The following DNAJC10 variants were observed in gnomAD, a reference collection of about 807,000 sequenced individuals.
DNAJC10 encodes DnaJ heat shock protein family (Hsp40) member C10.
In DNAJC10, 101 loss-of-function variants were observed where a neutral mutation model predicts 115.0. The ratio of observed to expected loss-of-function variants is 0.88; its 90% CI spans 0.75 to 1.04. The LOEUF is 1.04. Ranked by LOEUF, DNAJC10 falls within the 50% of genes least tolerant of loss-of-function variation. The probability of loss-of-function intolerance (pLI) is 0.00; values close to 1 mark genes in which losing one functional copy is unlikely to be tolerated. For missense variants in DNAJC10, 981 were observed against 928.8 expected, an observed-to-expected ratio of 1.06 and a Z score of -0.73; for synonymous variants, 307 against 301.5, an observed-to-expected ratio of 1.02 and a Z score of -0.19.
intron 17 of DNAJC10, among the ~76,000 whole-genome samples, chr2:182,755,554 C>G (rs1407700339): frequency 1.3e-5 from 2 of 151,630 alleles, no homozygotes; most frequent in Non-Finnish European, 2.9e-5. Flanking sequence ...CCAACCCTGT[C>G]CTACTCACCT....
chr2:182,716,552 G>C (rs1469655073), intron 1 of DNAJC10, 69 bp downstream of exon 1: 2 of 152,442 alleles, frequency 1.3e-5, no homozygotes, highest in East Asian at 3.9e-4. Flanking sequence ...GTCAGGGAGG[G>C]GCGGAATGGC....
intron 10 of DNAJC10, among the ~76,000 whole-genome samples, chr2:182,734,620 A>G (rs1490925833): frequency 6.6e-6 from 1 of 151,826 alleles, no homozygotes; most frequent in Non-Finnish European, 1.5e-5. Context: ...AGATCTTAAT[A>G]ATTTTATTGT....
chr2:182,792,024 T>A lies in DNAJC10; in HGVS notation c.*14892T>A, dbSNP rs1418541733. 1 of 152,142 alleles carries A rather than the reference T, an allele frequency of 6.6e-6. No homozygotes were observed. Among genetic ancestry groups the A allele is most frequent in the African/African-American group, 2.4e-5 (1 of 41,448 alleles). 9.4% of individuals were successfully genotyped at this position (152,142 alleles called of 1,614,324 possible). On this transcript the variant is annotated 3_prime_UTR_variant, in exon 24 of 24. Coordinates refer to ENST00000264065, the MANE Select transcript of DNAJC10 (RefSeq NM_018981.4). ...CACCTTATAAGTTCAGTCCTGTTGA[T>A]TAGTATGTTTCCCTGTCCTAGAGTG...
Position 182,757,823 on chromosome 2 carries a change from T to G in DNAJC10, c.1941T>G (p.Tyr647Ter), listed in dbSNP as rs756254747. The G allele has an allele frequency of 7.0e-7, 1 of 1,424,396 alleles. No homozygotes were observed. Among genetic ancestry groups the G allele is most frequent in the Non-Finnish European group, 9.8e-7 (1 of 1,022,916 alleles). The allele number at this position is 1,424,396 out of a possible 1,614,324, so 88.2% of individuals were successfully genotyped here. Residue 647 changes from tyrosine (Y) to a stop codon, truncating the protein, a stop_gained and splice_region_variant, in exon 19 of 24, where the codon TAT (tyrosine) becomes TAG (stop). Transcript: ENST00000264065. LOFTEE classifies it high-confidence loss of function. ...FPPKSNKAYH[Y>*]HSYNGWNRDA... ...CAAAATCAAATAAAGCTTATCATTA[T>G]CAGTAAGTATTCTCTCATATTTGAA...
intron 22 of DNAJC10, among the ~76,000 whole-genome samples, chr2:182,770,886 G>A (rs531045173): frequency 1.5e-3 from 230 of 152,184 alleles, no homozygotes; most frequent in South Asian, 3.3e-3. Flanking sequence ...GTATTGTGCT[G>A]GTTTTCAAAG....
intron 18 of DNAJC10, 90 bp downstream of exon 18, chr2:182,756,559 A>T: frequency 8.1e-7 from 1 of 1,242,212 alleles, no homozygotes; most frequent in Non-Finnish European, 1.1e-6. Context: ...GAATGAACCC[A>T]CAACTAAATT....
chr2:182,742,720 GT>G (rs1469166910), intron 13 of DNAJC10, among the ~76,000 whole-genome samples: 2 of 152,028 alleles, frequency 1.3e-5, no homozygotes, highest in African/African-American at 4.8e-5. Context: ...CTTTCAACTG[GT>G]CGGGGAAAAA....
At chr2:182,718,789 A>G (rs1693065563) in intron 3 of DNAJC10, among the ~76,000 whole-genome samples, 1 of 152,216 alleles carries the variant, frequency 6.6e-6, no homozygotes, top group African/African-American at 2.4e-5. Context: ...CAGCAGCTGA[A>G]TATAATGCCA....
Position 182,775,317 on chromosome 2 carries a change from G to A in DNAJC10, c.2267G>A (p.Arg756Lys), listed in dbSNP as rs983506434. ...GATAACAAGTGTTTTTAATTTTAGA[G>A]AAATTTTCAAGAAGAGCAGATAAAT... ...VKFYFYERAK[R>K]NFQEEQINTR... Residue 756 changes from arginine to lysine, a missense_variant and splice_region_variant, in exon 23 of 24, where the codon AGA (arginine) becomes AAA (lysine). Physicochemically the swap from Arg to Lys is conservative, Grantham distance 26. Coordinates refer to ENST00000264065, the MANE Select transcript of DNAJC10 (RefSeq NM_018981.4). The A allele has an allele frequency of 3.8e-6, 6 of 1,593,700 alleles. No individual in the cohort carries two copies. Among genetic ancestry groups the A allele is most frequent in the Non-Finnish European group, 4.3e-6 (5 of 1,164,152 alleles).
chr2:182,745,501 T>G (rs1032194330), intron 14 of DNAJC10, among the ~76,000 whole-genome samples: 2 of 152,214 alleles, frequency 1.3e-5, no homozygotes, highest in Middle Eastern at 3.2e-3. Flanking sequence ...AGCACTTCCT[T>G]TTATGTGCTC....
rs780496725 is a variant in DNAJC10 at position 182,718,269 on chromosome 2, G to C, written c.183G>C (p.Lys61Asn). 8 of 1,603,726 alleles carry C rather than the reference G, an allele frequency of 5.0e-6. No homozygotes were observed. In the South Asian group the frequency reaches 9.1e-5, roughly 18 times the overall value. The change falls in exon 3 of 24, where the codon AAG becomes AAC. Residue 61 changes from lysine to asparagine, a missense_variant. By Grantham distance (94) the Lys-to-Asn change is moderately conservative. Transcript: ENST00000264065. ...AAGCTTTCAAGAAATTGGCATTGAA[G>C]TTACATCCTGATAAAAACCCGGTAG... The part of the protein sequence containing the change: ...IRQAFKKLAL[K>N]LHPDKNPNNP...
intron 16 of DNAJC10, among the ~76,000 whole-genome samples, chr2:182,753,089 A>T (rs1301460658): frequency 6.6e-6 from 1 of 152,182 alleles, no homozygotes; most frequent in Non-Finnish European, 1.5e-5. Context: ...GGGAGTCCTT[A>T]TATTTTAAAT....
At chr2:182,774,500 C>T (rs1166678877) in intron 22 of DNAJC10, among the ~76,000 whole-genome samples, 3 of 152,206 alleles carry the variant, frequency 2.0e-5, no homozygotes, top group Non-Finnish European at 2.9e-5. Flanking sequence ...GTGGTGGGCT[C>T]CACCCAGTTT....
chr2:182,752,762 T>C (rs1416550671), intron 16 of DNAJC10: 4 of 161,778 alleles, frequency 2.5e-5, no homozygotes, highest in African/African-American at 9.6e-5. Context: ...TCCAGATCTA[T>C]TAGTCTTTAG....
chr2:182,728,723 A>G (rs1384148049), intron 6 of DNAJC10, 65 bp downstream of exon 6: 5 of 1,475,308 alleles, frequency 3.4e-6, no homozygotes, highest in Non-Finnish European at 4.6e-6. Context: ...TATATGTTAG[A>G]ATTTTTTTTT....
chr2:182,787,258 C>T lies in DNAJC10; in HGVS notation c.*10126C>T, dbSNP rs1452050693. 6.6e-6 allele frequency: 1 copy of T among 152,204 alleles called. No homozygotes were observed. Among genetic ancestry groups the T allele is most frequent in the African/African-American group, 2.4e-5 (1 of 41,438 alleles). 9.4% of individuals were successfully genotyped at this position (152,204 alleles called of 1,614,324 possible). On this transcript the variant is annotated 3_prime_UTR_variant, in exon 24 of 24. Coordinates refer to ENST00000264065, the MANE Select transcript of DNAJC10 (RefSeq NM_018981.4). ...ATACTGGCTTGACAGTCTCCCCATA[C>T]TGATTCAGACTCCAGCAAGGTGCAC...
intron 11 of DNAJC10, among the ~76,000 whole-genome samples, chr2:182,739,133 T>C (rs555118093): frequency 1.5e-3 from 228 of 149,040 alleles, no homozygotes; most frequent in African/African-American, 4.9e-3. Flanking sequence ...TAGCAGGAAC[T>C]ATTTCATATA....
chr2:182,729,776 CT>C, intron 7 of DNAJC10, 71 bp from the exon 8 acceptor site: 1 of 967,722 alleles, frequency 1.0e-6, no homozygotes, highest in Non-Finnish European at 1.6e-6. Context: ...AAATCAAACT[CT>C]TTGGTATTAT....
At chr2:182,743,094 A>C (rs1043073373) in intron 13 of DNAJC10, among the ~76,000 whole-genome samples, 11 of 151,926 alleles carry the variant, frequency 7.2e-5, no homozygotes, top group African/African-American at 2.7e-4. Context: ...CAATTCAGCT[A>C]CCTCAGCCTC....
Sources: allele counts gnomAD v4.1 joint callset (sites outside exome capture counted in the v4.1 genomes callset), GRCh38; gene constraint gnomAD v4.1.1; transcripts MANE v1.5; gene names NCBI Gene and HGNC (gene_info 2026-07-23, HGNC 2026-07-21).